The following TLN2 variants were observed in gnomAD, a reference collection of about 807,000 sequenced individuals.
The protein encoded by TLN2 is talin 2, also known as talin-2.
Under a neutral mutation model 294.7 loss-of-function variants are expected in TLN2, and 118 were observed. That is an observed-to-expected ratio of 0.40 (90% CI 0.34 to 0.47). TLN2 has a LOEUF of 0.47. Ranked by LOEUF, TLN2 falls within the 20% of genes least tolerant of loss-of-function variation. The pLI is 0.84. For missense variants in TLN2, 3,083 were observed against 3,282.2 expected (o/e 0.94, Z 1.48); for synonymous variants, 1,431 against 1,304.5 (o/e 1.10, Z -2.09).
chr15:62,794,607 C>T (rs2065330823), intron 46 of TLN2, among the ~76,000 whole-genome samples: 1 of 152,226 alleles, frequency 6.6e-6, no homozygotes, highest in Admixed American at 6.5e-5. Context: ...TACCTCATTT[C>T]CCGGCCAGCT....
chr15:62,553,450 A>C (rs974877032), intron 1 of TLN2, among the ~76,000 whole-genome samples: 2 of 152,266 alleles, frequency 1.3e-5, no homozygotes, highest in Non-Finnish European at 2.9e-5. Flanking sequence ...ACGCCATTGC[A>C]CTCCAGTGTG....
intron 55 of TLN2, chr15:62,834,300 C>T (rs2069220271): frequency 6.6e-6 from 1 of 152,158 alleles, no homozygotes; most frequent in African/African-American, 2.4e-5. Flanking sequence ...AGCATGCTAT[C>T]CACGACTGGC....
chr15:62,428,777 C>T (rs567653087), intron 1 of TLN2, among the ~76,000 whole-genome samples: 3 of 152,298 alleles, frequency 2.0e-5, no homozygotes, highest in East Asian at 1.9e-4. Context: ...AGGTGTCATA[C>T]GTCGTGTGTT....
At chr15:62,565,559 A>G (rs16945292) in intron 1 of TLN2, among the ~76,000 whole-genome samples, 6,191 of 152,278 alleles carry the variant, frequency 0.041, 182 homozygotes, top group African/African-American at 0.082. Flanking sequence ...GGACCCTTCA[A>G]TTCCTTACGT....
intron 11 of TLN2, among the ~76,000 whole-genome samples, chr15:62,684,560 G>A (rs1344086844): frequency 2.0e-5 from 3 of 152,144 alleles, no homozygotes; most frequent in Non-Finnish European, 2.9e-5. Context: ...ATACCATGGT[G>A]TCCTCCGTGA....
intron 1 of TLN2, among the ~76,000 whole-genome samples, chr15:62,547,160 G>T (rs1326973316): frequency 6.6e-6 from 1 of 152,194 alleles, no homozygotes; most frequent in African/African-American, 2.4e-5. Flanking sequence ...GCTTTATTCT[G>T]TAGATCACTC....
chr15:62,390,985 C>G (rs962135337), intron 1 of TLN2, among the ~76,000 whole-genome samples: 3 of 152,244 alleles, frequency 2.0e-5, no homozygotes, highest in Admixed American at 6.5e-5. Flanking sequence ...GCCTCGCAGT[C>G]GGCGCCAGAG....
intron 31 of TLN2, 97 bp downstream of exon 31, chr15:62,739,642 C>T (rs2061210556): frequency 7.0e-7 from 1 of 1,431,732 alleles, no homozygotes; most frequent in Admixed American, 2.0e-5. Flanking sequence ...GAAAAGGAAC[C>T]TGGAAACAGG....
At chr15:62,629,330 T>C (rs1270886920) in intron 3 of TLN2, among the ~76,000 whole-genome samples, 1 of 152,206 alleles carries the variant, frequency 6.6e-6, no homozygotes, top group Admixed American at 6.5e-5. Flanking sequence ...TAATGTGTGA[T>C]CAGTACATGG....
At chr15:62,686,839 G>T in intron 12 of TLN2, 43 bp downstream of exon 12, 1 of 1,605,724 alleles carries the variant, frequency 6.2e-7, no homozygotes, top group Non-Finnish European at 8.5e-7. Flanking sequence ...GCGTGGCCTT[G>T]AGTGATATTG....
At chr15:62,729,978 C>CT (rs1361846929) in intron 28 of TLN2, among the ~76,000 whole-genome samples, 3 of 149,072 alleles carry the variant, frequency 2.0e-5, no homozygotes, top group Non-Finnish European at 4.4e-5. Context: ...ATGCAAGAAT[C>CT]TTGAGACATG....
chr15:62,421,862 T>G (rs2034420742), intron 1 of TLN2, among the ~76,000 whole-genome samples: 1 of 152,056 alleles, frequency 6.6e-6, no homozygotes, highest in Non-Finnish European at 1.5e-5. Context: ...CAATATTAAG[T>G]CTTCTGACTT....
At chr15:62,746,852 C>G (rs905578237) in intron 32 of TLN2, among the ~76,000 whole-genome samples, 2 of 152,128 alleles carry the variant, frequency 1.3e-5, no homozygotes, top group Admixed American at 6.5e-5. Context: ...GAGTTTAAGT[C>G]TTATTTCTGC....
intron 1 of TLN2, among the ~76,000 whole-genome samples, chr15:62,418,988 T>TA (rs994912797): frequency 6.6e-6 from 1 of 152,226 alleles, no homozygotes; most frequent in African/African-American, 2.4e-5. Flanking sequence ...AGAAAACTTT[T>TA]AAGTACATTT....
At chr15:62,652,914 T>C (rs936690288) in intron 6 of TLN2, among the ~76,000 whole-genome samples, 4 of 152,188 alleles carry the variant, frequency 2.6e-5, no homozygotes, top group Non-Finnish European at 5.9e-5. Context: ...GTCTGATTTT[T>C]AAAAATTCGT....
At chr15:62,530,504 G>A (rs1190426950) in intron 1 of TLN2, among the ~76,000 whole-genome samples, 6 of 151,994 alleles carry the variant, frequency 3.9e-5, no homozygotes, top group South Asian at 2.1e-4. Flanking sequence ...TTACAGGCAC[G>A]CGCCACCATG....
At chr15:62,427,295 G>T (rs764530392) in intron 1 of TLN2, among the ~76,000 whole-genome samples, 1 of 152,344 alleles carries the variant, frequency 6.6e-6, no homozygotes, top group Non-Finnish European at 1.5e-5. Context: ...GGAGTAGTTT[G>T]TGGGTCCAGC....
intron 12 of TLN2, among the ~76,000 whole-genome samples, chr15:62,692,309 G>C (rs757643774): frequency 3.3e-5 from 5 of 152,178 alleles, no homozygotes; most frequent in Non-Finnish European, 7.3e-5. Context: ...CTTTACTGTG[G>C]CTGCTGCAGC....
At chr15:62,625,178 T>C (rs2049170438) in intron 3 of TLN2, among the ~76,000 whole-genome samples, 1 of 152,098 alleles carries the variant, frequency 6.6e-6, no homozygotes, top group African/African-American at 2.4e-5. Context: ...CTGTGGGGCT[T>C]GGTTCTTCAC....
Sources: gnomAD v4.1 joint callset for allele counts (sites outside exome capture counted in the v4.1 genomes callset) on GRCh38, gnomAD v4.1.1 for gene constraint, MANE v1.5 for transcripts, NCBI Gene and HGNC (gene_info 2026-07-23, HGNC 2026-07-21) for gene names.